EPHA6: variants seen among roughly 807,000 people sequenced by gnomAD.
EPHA6 encodes EPH receptor A6.
A neutral mutation model predicts 112.0 loss-of-function variants in EPHA6; 50 were observed. The ratio of observed to expected loss-of-function variants is 0.45; its 90% confidence interval spans 0.36 to 0.56. EPHA6 has a LOEUF of 0.56. Among genes scored for constraint, EPHA6 ranks in the 20% least tolerant of loss-of-function variants. EPHA6 has a pLI of 0.00. For missense variants in EPHA6, 1,280 were observed against 1,417.4 expected (o/e 0.90, Z 1.56); for synonymous variants, 529 against 490.7 (o/e 1.08, Z -1.03).
chr3:97,691,523 A>C (rs2032663599), intron 14 of EPHA6, among the ~76,000 whole-genome samples: 1 of 152,196 alleles, frequency 6.6e-6, no homozygotes, highest in South Asian at 2.1e-4. Context: ...ATAGCCTAGT[A>C]AATGATTTCA....
chr3:97,038,622 G>T (rs1003485424), intron 3 of EPHA6, among the ~76,000 whole-genome samples: 7 of 152,042 alleles, frequency 4.6e-5, no homozygotes, highest in South Asian at 2.1e-4. Flanking sequence ...ACTAAGCGTG[G>T]TAGTCCCATC....
At chr3:97,673,949 G>C (rs752844808) in intron 14 of EPHA6, among the ~76,000 whole-genome samples, 1 of 152,174 alleles carries the variant, frequency 6.6e-6, no homozygotes, top group Non-Finnish European at 1.5e-5. Context: ...TAGTAGTATG[G>C]CATTAAAGAT....
At chr3:97,094,305 G>A (rs1288570698) in intron 3 of EPHA6, among the ~76,000 whole-genome samples, 2 of 152,032 alleles carry the variant, frequency 1.3e-5, no homozygotes, top group East Asian at 3.9e-4. Context: ...GACCCCCCTA[G>A]CAATAAATAT....
intron 3 of EPHA6, among the ~76,000 whole-genome samples, chr3:97,041,393 C>A (rs978904456): frequency 6.6e-6 from 1 of 151,988 alleles, no homozygotes; most frequent in Non-Finnish European, 1.5e-5. Flanking sequence ...GGACATTATT[C>A]CTGGAAGCAC....
Position 96,934,459 on chromosome 3 carries a change from A to T in EPHA6, c.451-52871A>T, listed in dbSNP as rs141119709. ...CAGAACTATTTTTTCTGCATACCTT[A>T]TTATTTTATTAACCATGGTTTTAAA... On this transcript the variant is annotated intron_variant, in intron 2 of 17. Coordinates refer to ENST00000389672, the MANE Select transcript of EPHA6 (RefSeq NM_001080448.3). Among the ~76,000 whole-genome samples, 980 of 151,786 alleles carry T rather than the reference A, an allele frequency of 6.5e-3. 7 individuals carry two copies. Among genetic ancestry groups the T allele is most frequent in the African/African-American group, 0.021 (886 of 41,522 alleles).
chr3:97,678,695 G>C (rs184995492), intron 14 of EPHA6, among the ~76,000 whole-genome samples: 1 of 152,094 alleles, frequency 6.6e-6, no homozygotes, highest in Admixed American at 6.6e-5. Flanking sequence ...TGTAATTTCT[G>C]TCAGAACTCT....
At chr3:97,686,046 C>A (rs761977965) in intron 14 of EPHA6, among the ~76,000 whole-genome samples, 13 of 152,114 alleles carry the variant, frequency 8.5e-5, no homozygotes, top group Non-Finnish European at 1.3e-4. Flanking sequence ...ATCTGTACAT[C>A]TTCTAGTTTA....
intron 3 of EPHA6, among the ~76,000 whole-genome samples, chr3:97,143,484 T>G (rs1191351004): frequency 1.3e-5 from 2 of 151,792 alleles, no homozygotes; most frequent in African/African-American, 4.8e-5. Flanking sequence ...TGTATTCTCT[T>G]ATGTTGATCC....
rs538322792 is a variant in EPHA6 at position 97,168,383 on chromosome 3, G to A, written c.1115-57881G>A. On this transcript the variant is annotated intron_variant, in intron 3 of 17. Coordinates refer to ENST00000389672, the MANE Select transcript of EPHA6 (RefSeq NM_001080448.3). ...GGGCCTGGTGGGAGGTGATTAGATC[G>A]TGGGGGTGGTTTCTAGTGCTGGAGG... Among the ~76,000 whole-genome samples the A allele has an allele frequency of 3.9e-5, 6 of 152,144 alleles. No individual in the cohort carries two copies. In the South Asian group the frequency reaches 8.3e-4, roughly 21 times the overall value.
chr3:97,716,324 T>G (rs1162695219), intron 14 of EPHA6, among the ~76,000 whole-genome samples: 1 of 123,902 alleles, frequency 8.1e-6, no homozygotes, highest in Non-Finnish European at 1.5e-5. Context: ...ATCCCAGCAC[T>G]TTGGGAGGCC....
Position 97,750,390 on chromosome 3 carries a change from C to T in EPHA6, c.*1689C>T, listed in dbSNP as rs904035280. On this transcript the variant is annotated 3_prime_UTR_variant, in exon 18 of 18. Coordinates refer to ENST00000389672, the MANE Select transcript of EPHA6 (RefSeq NM_001080448.3). ...GTTTTTGAGACGGAGGCGTTTTGCT[C>T]TTGTTGCCCAGGCTGGAGTGCAATG... Among the ~76,000 whole-genome samples, 15 of 151,070 alleles carry T rather than the reference C, an allele frequency of 9.9e-5. No individual in the cohort carries two copies. The highest frequency in any genetic ancestry group is 3.7e-4 in the African/African-American group (15 of 41,078).
intron 6 of EPHA6, among the ~76,000 whole-genome samples, chr3:97,422,962 G>A (rs1278446002): frequency 6.6e-6 from 1 of 152,150 alleles, no homozygotes; most frequent in African/African-American, 2.4e-5. Flanking sequence ...ATCACTTCAA[G>A]TTAAAGACAC....
chr3:97,659,532 TC>T (rs1412226499), intron 14 of EPHA6, among the ~76,000 whole-genome samples: 2 of 151,916 alleles, frequency 1.3e-5, no homozygotes, highest in Non-Finnish European at 2.9e-5. Flanking sequence ...GTATCAAATG[TC>T]CTATACTTCA....
chr3:97,540,096 A>T (rs928044287), intron 11 of EPHA6, among the ~76,000 whole-genome samples: 5 of 152,216 alleles, frequency 3.3e-5, no homozygotes, highest in African/African-American at 1.2e-4. Flanking sequence ...AATTTTCTGT[A>T]CTTTCTCTGT....
At chr3:97,143,567 G>T (rs537352489) in intron 3 of EPHA6, among the ~76,000 whole-genome samples, 1 of 151,824 alleles carries the variant, frequency 6.6e-6, no homozygotes, top group East Asian at 1.9e-4. Flanking sequence ...TCTGGAGAGG[G>T]TGTTATGAAT....
At chr3:97,029,775 T>G (rs2044760945) in intron 3 of EPHA6, among the ~76,000 whole-genome samples, 2 of 152,134 alleles carry the variant, frequency 1.3e-5, no homozygotes, top group Non-Finnish European at 2.9e-5. Context: ...GTTTCACTTC[T>G]TTAGTTTTGA....
chr3:97,219,916 A>G (rs1368132125), intron 3 of EPHA6, among the ~76,000 whole-genome samples: 1 of 152,158 alleles, frequency 6.6e-6, no homozygotes, highest in African/African-American at 2.4e-5. Context: ...AATGTATAAA[A>G]CTGAATGCTT....
chr3:97,232,859 C>A (rs2078568269), intron 4 of EPHA6, among the ~76,000 whole-genome samples: 1 of 152,110 alleles, frequency 6.6e-6, no homozygotes, highest in Non-Finnish European at 1.5e-5. Context: ...TGCACAGTGG[C>A]CTGCTGGCAC....
At chr3:97,188,135 C>T (rs1365118958) in intron 3 of EPHA6, among the ~76,000 whole-genome samples, 2 of 151,984 alleles carry the variant, frequency 1.3e-5, no homozygotes, top group Admixed American at 1.3e-4. Context: ...AAAATATTCC[C>T]ACATGTATTC....
Sources: gnomAD v4.1 joint callset for allele counts (sites outside exome capture counted in the v4.1 genomes callset) on GRCh38, gnomAD v4.1.1 for gene constraint, MANE v1.5 for transcripts, NCBI Gene and HGNC (gene_info 2026-07-23, HGNC 2026-07-21) for gene names.